The following TMEM178B variants were observed in gnomAD, a reference collection of about 807,000 sequenced individuals.
TMEM178B encodes transmembrane protein 178B.
TMEM178B carries 5 observed loss-of-function variants against 31.0 expected under a neutral mutation model. That is an observed-to-expected ratio of 0.16 (90% CI 0.08 to 0.34). The LOEUF (loss-of-function observed/expected upper bound fraction) is 0.34, where lower values mean the gene tolerates loss of function less well. Among genes scored for constraint, TMEM178B ranks in the 10% least tolerant of loss-of-function variants. The pLI, the probability that TMEM178B is intolerant of heterozygous loss-of-function variation, is 1.00. For missense variants in TMEM178B, 275 were observed against 400.3 expected, an observed-to-expected ratio of 0.69 and a Z score of 2.67; for synonymous variants, 164 against 164.0, an observed-to-expected ratio of 1.00 and a Z score of 0.00.
intron 2 of TMEM178B, among the ~76,000 whole-genome samples, chr7:141,423,975 A>AT (rs35143389): frequency 0.088 from 12,646 of 143,038 alleles, 795 homozygotes; most frequent in African/African-American, 0.18. Context: ...TGCCCAGCTA[A>AT]TTTTTTTTTT....
At chr7:141,139,775 T>G (rs1795740494) in intron 1 of TMEM178B, among the ~76,000 whole-genome samples, 1 of 152,124 alleles carries the variant, frequency 6.6e-6, no homozygotes, top group Non-Finnish European at 1.5e-5. Flanking sequence ...AGTTTTTTTT[T>G]TTTTTGAGAC....
intron 2 of TMEM178B, chr7:141,352,146 C>G (rs541338365): frequency 8.5e-5 from 13 of 152,684 alleles, no homozygotes; most frequent in African/African-American, 2.4e-4. Context: ...ACTACTACCA[C>G]TGGGAGTATC....
intron 2 of TMEM178B, among the ~76,000 whole-genome samples, chr7:141,242,495 T>TGTG (rs1277077764): frequency 1.3e-5 from 2 of 151,352 alleles, no homozygotes; most frequent in Non-Finnish European, 2.9e-5. Flanking sequence ...TGTGTGTGTG[T>TGTG]GTGTGTGTGT....
intron 3 of TMEM178B, among the ~76,000 whole-genome samples, chr7:141,442,642 A>G (rs913772741): frequency 6.6e-6 from 1 of 152,176 alleles, no homozygotes; most frequent in African/African-American, 2.4e-5. Flanking sequence ...TGCTTTGCAC[A>G]TAGTGTTTCC....
chr7:141,076,625 C>G (rs906410360), intron 1 of TMEM178B, among the ~76,000 whole-genome samples: 2 of 152,140 alleles, frequency 1.3e-5, no homozygotes, highest in African/African-American at 4.8e-5. Context: ...GCCATAGTGA[C>G]ATGTTCTTCC....
chr7:141,409,739 T>C (rs1033691562), intron 2 of TMEM178B, among the ~76,000 whole-genome samples: 1 of 152,036 alleles, frequency 6.6e-6, no homozygotes, highest in Admixed American at 6.6e-5. Flanking sequence ...GTCTTTTTTT[T>C]TTTTTAGAAG....
intron 1 of TMEM178B, among the ~76,000 whole-genome samples, chr7:141,123,604 A>C (rs1795442851): frequency 1.3e-5 from 2 of 152,144 alleles, no homozygotes; most frequent in African/African-American, 4.8e-5. Context: ...CCTTGACCTC[A>C]GTGGGCTTTG....
At chr7:141,395,278 A>G (rs1296534053) in intron 2 of TMEM178B, among the ~76,000 whole-genome samples, 1 of 152,178 alleles carries the variant, frequency 6.6e-6, no homozygotes, top group Non-Finnish European at 1.5e-5. Flanking sequence ...ATCTCTACAA[A>G]AAATACAAAA....
intron 1 of TMEM178B, among the ~76,000 whole-genome samples, chr7:141,095,020 G>A (rs764798457): frequency 2.6e-5 from 4 of 152,228 alleles, no homozygotes; most frequent in Admixed American, 2.0e-4. Flanking sequence ...TAGAAATTAC[G>A]GTCACAAAAC....
chr7:141,275,346 A>ATAGCTGCAGT (rs1798248870), intron 2 of TMEM178B, among the ~76,000 whole-genome samples: 1 of 152,224 alleles, frequency 6.6e-6, no homozygotes, highest in East Asian at 1.9e-4. Context: ...TAAAGTACTT[A>ATAGCTGCAGT]TAGCTGCAGT....
In TMEM178B at chr7:141,074,611, T is replaced by A. The variant is rs1307573203; in HGVS notation, c.301T>A (p.Tyr101Asn). 1.3e-6 allele frequency: 2 copies of A among 1,535,516 alleles called. No homozygotes were observed. Among genetic ancestry groups the A allele is most frequent in the Admixed American group, 3.9e-5 (2 of 50,978 alleles). The change falls in exon 1 of 4, where the codon TAC becomes AAC. Residue 101 changes from tyrosine (Y) to asparagine (N), a missense_variant. Tyr to Asn is a moderately radical substitution (Grantham distance 143, BLOSUM62 -2). Transcript: ENST00000565468. This position sits in a 1 kb window ranked among gnomAD's most constrained non-coding sequence, Gnocchi z 5.1. ...CCCCGCGGACGAGTGCAGCCGGCAG[T>A]ACAACTCCACCAACATGGGCCTCTG... is the stretch of plus-strand genomic sequence containing the variant. ...MSPADECSRQ[Y>N]NSTNMGLWRK... is the part of the protein sequence containing the mutation.
chr7:141,102,627 GATGTGCCCAC>G (rs1159373259), intron 1 of TMEM178B, among the ~76,000 whole-genome samples: 1 of 152,194 alleles, frequency 6.6e-6, no homozygotes, highest in Non-Finnish European at 1.5e-5. Context: ...TGCTTATGGG[GATGTGCCCAC>G]ACACCAACTG....
intron 3 of TMEM178B, among the ~76,000 whole-genome samples, chr7:141,459,076 C>A (rs1316166731): frequency 6.6e-6 from 1 of 152,204 alleles, no homozygotes; most frequent in African/African-American, 2.4e-5. Context: ...ATTGCCCAGG[C>A]TCGTGTGCAA....
chr7:141,293,156 T>C (rs1586875157), intron 2 of TMEM178B, among the ~76,000 whole-genome samples: 2 of 152,180 alleles, frequency 1.3e-5, no homozygotes, highest in Non-Finnish European at 2.9e-5. Context: ...ATCTGGGGTT[T>C]GGAGATGAAA....
intron 1 of TMEM178B, among the ~76,000 whole-genome samples, chr7:141,142,929 A>G (rs933072991): frequency 5.9e-5 from 9 of 152,184 alleles, no homozygotes; most frequent in African/African-American, 2.2e-4. Context: ...GTGGTGTGAG[A>G]TAGCATCTCA....
chr7:141,224,017 A>G (rs895070067), intron 2 of TMEM178B, among the ~76,000 whole-genome samples: 1 of 152,154 alleles, frequency 6.6e-6, no homozygotes, highest in South Asian at 2.1e-4. Context: ...AGATAATTGA[A>G]TCATGGGGGC....
intron 1 of TMEM178B, among the ~76,000 whole-genome samples, chr7:141,126,392 G>A (rs758099699): frequency 1.1e-4 from 16 of 152,328 alleles, no homozygotes; most frequent in East Asian, 1.9e-4. Context: ...AAGCCTTGAC[G>A]CTGTAGATCC....
At chr7:141,359,438 ACTCC>A (rs1408417548) in intron 2 of TMEM178B, among the ~76,000 whole-genome samples, 2 of 152,164 alleles carry the variant, frequency 1.3e-5, no homozygotes, top group Admixed American at 1.3e-4. Context: ...CCAAACCTGT[ACTCC>A]AATCTCTCCT....
At chr7:141,094,126 T>C (rs1354855961) in intron 1 of TMEM178B, among the ~76,000 whole-genome samples, 6 of 151,234 alleles carry the variant, frequency 4.0e-5, no homozygotes. Flanking sequence ...AAGGAGAGAA[T>C]AGAATTGCAG....
Sources: allele counts gnomAD v4.1 joint callset (sites outside exome capture counted in the v4.1 genomes callset), GRCh38; gene constraint gnomAD v4.1.1; non-coding constraint Gnocchi (gnomAD v3.1); transcripts MANE v1.5; gene names NCBI Gene and HGNC (gene_info 2026-07-23, HGNC 2026-07-21).